ZBED4: variants seen among roughly 807,000 people sequenced by gnomAD.
ZBED4 encodes the protein zinc finger BED domain-containing protein 4.
Under a neutral mutation model 15.5 loss-of-function variants are expected in ZBED4, and 4 were observed. The observed-to-expected ratio is 0.26, with a 90% confidence interval of 0.13 to 0.59. The LOEUF is 0.59. Ranked by LOEUF, ZBED4 falls within the 20% of genes least tolerant of loss-of-function variation. The pLI is 0.90. For synonymous variants in ZBED4, 692 were observed against 608.5 expected (o/e 1.14, Z -2.02); for missense variants, 1,323 against 1,461.8 (o/e 0.91, Z 1.55).
At chr22:49,875,380 T>C (rs1208192271) in intron 1 of ZBED4, among the ~76,000 whole-genome samples, 1 of 152,086 alleles carries the variant, frequency 6.6e-6, no homozygotes, top group Non-Finnish European at 1.5e-5. Context: ...GTCTTTCAAG[T>C]AATTTGTCCA....
chr22:49,855,342 TC>T lies in ZBED4; in HGVS notation c.-330+1358del, dbSNP rs201785329. On this transcript the variant is annotated intron_variant, in intron 1 of 1. Coordinates refer to ENST00000216268, the MANE Select transcript of ZBED4 (RefSeq NM_014838.3). ...CCACTTGACAGGTGGTTACAGGGTC[TC>T]CCCCAACACACACTCTTGTCCAGGT... Among the ~76,000 whole-genome samples, 1,475 of 152,212 alleles carry T rather than the reference TC, an allele frequency of 9.7e-3. 16 individuals carry two copies. Among genetic ancestry groups the T allele is most frequent in the South Asian group, 0.067 (325 of 4,824 alleles).
At chr22:49,870,816 G>C (rs2060343389) in intron 1 of ZBED4, among the ~76,000 whole-genome samples, 1 of 152,076 alleles carries the variant, frequency 6.6e-6, no homozygotes, top group African/African-American at 2.4e-5. Flanking sequence ...CAGCTATGCA[G>C]AGGCTCTTTA....
intron 1 of ZBED4, among the ~76,000 whole-genome samples, chr22:49,854,679 C>T (rs2060267263): frequency 6.6e-6 from 1 of 152,176 alleles, no homozygotes; most frequent in African/African-American, 2.4e-5. Flanking sequence ...AGAATCGCAG[C>T]CCCTCGGGCT....
In ZBED4 at chr22:49,884,181, T is replaced by C. The variant is rs891795677; in HGVS notation, c.519T>C (p.Asn173=). The C allele has an allele frequency of 5.0e-6, 8 of 1,611,530 alleles. No individual in the cohort carries two copies. Among genetic ancestry groups the C allele is most frequent in the African/African-American group, 1.3e-5 (1 of 74,918 alleles). The change falls in exon 2 of 2, where the codon AAT becomes AAC. Residue 173 remains asparagine, a synonymous_variant. Coordinates refer to ENST00000216268, the MANE Select transcript of ZBED4 (RefSeq NM_014838.3). ...ACCCGACCGTGCTCATTCAGGAAAA[T>C]GGCAGTGTGTCTGCCGTGTCCTCGT... ...RAHPTVLIQE[N]GSVSAVSSFP...
Position 49,885,161 on chromosome 22 carries a change from A to G in ZBED4, c.1499A>G (p.His500Arg). 1.2e-6 allele frequency: 2 copies of G among 1,613,582 alleles called. No individual in the cohort carries two copies. The highest frequency in any genetic ancestry group is 8.5e-7 in the Non-Finnish European group (1 of 1,179,916). Residue 500 changes from histidine (H) to arginine (R), a missense_variant, in exon 2 of 2, where the codon CAT (histidine) becomes CGT (arginine). Around this residue, in one of 6 missense-constraint regions of ZBED4, gnomAD observed 429 missense variants for 397.9 expected, o/e 1.08. Transcript: ENST00000216268. ...GDVGTSCLMRHLYRRHPEVVG... is the reference protein window; with the variant it reads ...GDVGTSCLMRRLYRRHPEVVG... ...GTGGGCACCAGCTGCCTGATGAGAC[A>G]TCTCTACCGGCGCCATCCAGAAGTT... is the stretch of plus-strand genomic sequence containing the variant.
chr22:49,852,862 C>T (rs1032141141), upstream of ZBED4: 1 of 152,282 alleles, frequency 6.6e-6, no homozygotes, highest in African/African-American at 2.4e-5. Flanking sequence ...CTCCCCCAAC[C>T]TCTTAAAAAC....
At chr22:49,871,934 C>T (rs573425735) in intron 1 of ZBED4, among the ~76,000 whole-genome samples, 3 of 151,980 alleles carry the variant, frequency 2.0e-5, no homozygotes, top group Admixed American at 1.3e-4. Flanking sequence ...TTAGTAGAGA[C>T]GAGGTTTCAC....
At chr22:49,877,984 A>C (rs533027580) in intron 1 of ZBED4, among the ~76,000 whole-genome samples, 19 of 152,300 alleles carry the variant, frequency 1.2e-4, no homozygotes, top group Non-Finnish European at 2.2e-4. Context: ...TACTACATAT[A>C]AAGCTGCTGT....
At position 49,853,860 on chromosome 22, in the gene ZBED4, T is replaced by A. The variant is rs1388601858; in HGVS notation, c.-459T>A. On this transcript the variant is annotated 5_prime_UTR_variant, in exon 1 of 2. Transcript: ENST00000216268. ...GGGAGGGGCGCAGCGTCCGGCGGCG[T>A]CGCGGGCGGCGGGCGGCGGGGCCGC... 7.1e-6 allele frequency: 1 copy of A among 140,036 alleles called. No individual in the cohort carries two copies. 8.7% of individuals were successfully genotyped at this position (140,036 alleles called of 1,614,324 possible).
At chr22:49,858,412 A>ATAGC (rs752428833) in intron 1 of ZBED4, among the ~76,000 whole-genome samples, 8 of 152,234 alleles carry the variant, frequency 5.3e-5, no homozygotes, top group Non-Finnish European at 1.2e-4. Context: ...GTCTTGATGC[A>ATAGC]TAGCTCTTTG....
At chr22:49,854,156 C>T (rs1232962752) in intron 1 of ZBED4, among the ~76,000 whole-genome samples, 167 bp downstream of exon 1, 1 of 145,734 alleles carries the variant, frequency 6.9e-6, no homozygotes, top group African/African-American at 2.5e-5. Context: ...CCGCCCGGCG[C>T]CGCCCCGGAC....
chr22:49,878,899 CT>C (rs1293958937), intron 1 of ZBED4, among the ~76,000 whole-genome samples: 2 of 151,884 alleles, frequency 1.3e-5, no homozygotes, highest in Non-Finnish European at 2.9e-5. Flanking sequence ...AACCCCAACA[CT>C]TTGGGAGGCC....
chr22:49,880,737 A>G (rs971834373), intron 1 of ZBED4, among the ~76,000 whole-genome samples: 2 of 152,204 alleles, frequency 1.3e-5, no homozygotes, highest in South Asian at 2.1e-4. Flanking sequence ...TCCCATATCA[A>G]TTTTAGACTT....
Position 49,887,096 on chromosome 22 carries a change from G to T in ZBED4, c.3434G>T (p.Gly1145Val). ...FNTPTENGSL[G>V]QSRLMMEHFE... ...ACACCCACTGAGAACGGTAGCCTTG[G>T]CCAATCCAGGCTCATGATGGAACAT... is the stretch of plus-strand genomic sequence containing the variant. Residue 1145 changes from glycine (G) to valine (V), a missense_variant, in exon 2 of 2, where the codon GGC becomes GTC. Physicochemically the swap from Gly to Val is moderately radical, Grantham distance 109. Coordinates refer to ENST00000216268, the MANE Select transcript of ZBED4 (RefSeq NM_014838.3). 1 of 1,614,142 alleles carries T rather than the reference G, an allele frequency of 6.2e-7. No homozygotes were observed. Among genetic ancestry groups the T allele is most frequent in the South Asian group, 1.1e-5 (1 of 91,078 alleles).
At chr22:49,859,754 G>A (rs1362328290) in intron 1 of ZBED4, among the ~76,000 whole-genome samples, 1 of 152,206 alleles carries the variant, frequency 6.6e-6, no homozygotes, top group Admixed American at 6.5e-5. Context: ...TGCGGGGTGT[G>A]GTGGCTCACA....
At chr22:49,855,230 C>A (rs2060269974) in intron 1 of ZBED4, among the ~76,000 whole-genome samples, 1 of 152,034 alleles carries the variant, frequency 6.6e-6, no homozygotes, top group African/African-American at 2.4e-5. Context: ...AAGAGAGATT[C>A]TGTGAATCTT....
intron 1 of ZBED4, among the ~76,000 whole-genome samples, chr22:49,880,150 G>C (rs532603331): frequency 6.6e-6 from 1 of 152,182 alleles, no homozygotes; most frequent in Admixed American, 6.5e-5. Context: ...GCTGTGTTCG[G>C]GTGGCTCCTA....
Position 49,885,022 on chromosome 22 carries a change from A to C in ZBED4, c.1360A>C (p.Met454Leu), listed in dbSNP as rs776010776. Reference sequence around the variant, plus strand: ...CATCTTCCAGCAGAATAAAAAGGTCATGAAAAGACTGAAGTCGGAGGTCTG... The same window carrying C: ...CATCTTCCAGCAGAATAAAAAGGTCCTGAAAAGACTGAAGTCGGAGGTCTG... Reference protein sequence around the residue: ...GAIFQQNKKVMKRLKSEVWHH... With the variant: ...GAIFQQNKKVLKRLKSEVWHH... Residue 454 changes from methionine to leucine, a missense_variant, in exon 2 of 2, where the codon ATG becomes CTG. Met to Leu is a conservative substitution (Grantham distance 15). Transcript: ENST00000216268. 6.2e-7 allele frequency: 1 copy of C among 1,613,064 alleles called. No homozygotes were observed. The highest frequency in any genetic ancestry group is 8.5e-7 in the Non-Finnish European group (1 of 1,179,444).
At position 49,884,491 on chromosome 22, in the gene ZBED4, CTTCCAAAGA is replaced by C; in HGVS notation, c.830_838del (p.Leu277_Ser280delinsArg). ...GAACTTAGCGGAGAAGAGCCTTCCA[CTTCCAAAGA>C]GCACCTCTGGGTCCAGGAGAAGGTC... On this transcript the variant is annotated inframe_deletion, in exon 2 of 2. Coordinates refer to ENST00000216268, the MANE Select transcript of ZBED4 (RefSeq NM_014838.3). 6.2e-7 allele frequency: 1 copy of C among 1,614,242 alleles called. No individual in the cohort carries two copies. Among genetic ancestry groups the C allele is most frequent in the Non-Finnish European group, 8.5e-7 (1 of 1,180,058 alleles).
Sources: allele counts gnomAD v4.1 joint callset (sites outside exome capture counted in the v4.1 genomes callset), GRCh38; gene constraint gnomAD v4.1.1; regional missense constraint gnomAD v4.1.1; transcripts MANE v1.5; gene names NCBI Gene and HGNC (gene_info 2026-07-23, HGNC 2026-07-21).